Variants in SYN3 observed in about 807,000 individuals in gnomAD.
The protein encoded by SYN3 is synapsin III.
SYN3 carries 35 observed loss-of-function variants against 65.8 expected under a neutral mutation model. The observed-to-expected ratio is 0.53, with a 90% CI of 0.41 to 0.70. The LOEUF (loss-of-function observed/expected upper bound fraction) is 0.70. SYN3 is among the 30% of genes least tolerant of loss of function. The pLI, the probability that SYN3 is intolerant of heterozygous loss-of-function variation, is 0.00. For missense variants in SYN3, 680 were observed against 749.0 expected (o/e 0.91, Z 1.08); for synonymous variants, 270 against 292.9 (o/e 0.92, Z 0.80).
chr22:32,942,090 A>T (rs2050958033), intron 3 of SYN3, among the ~76,000 whole-genome samples: 1 of 152,224 alleles, frequency 6.6e-6, no homozygotes, highest in South Asian at 2.1e-4. Context: ...ACAGCTTTGA[A>T]GAGAGTAGTG....
intron 6 of SYN3, among the ~76,000 whole-genome samples, chr22:32,710,785 G>A (rs2060953587): frequency 6.6e-6 from 1 of 152,062 alleles, no homozygotes; most frequent in Non-Finnish European, 1.5e-5. Flanking sequence ...AAACCAAGCA[G>A]ATGCCAGCAT....
intron 1 of SYN3, among the ~76,000 whole-genome samples, chr22:33,029,012 C>T (rs945061364): frequency 2.0e-5 from 3 of 151,640 alleles, no homozygotes; most frequent in Admixed American, 2.0e-4. Context: ...AGCACTACAG[C>T]CTGGGTGACA....
At chr22:33,025,312 G>A (rs192318537) in intron 1 of SYN3, among the ~76,000 whole-genome samples, 1 of 152,038 alleles carries the variant, frequency 6.6e-6, no homozygotes. Flanking sequence ...AAATTAGCCA[G>A]GCATGGTGGT....
rs562000160 is a variant in SYN3 at position 32,780,999 on chromosome 22, ACCC to A, written c.711+83913_711+83915del. On this transcript the variant is annotated intron_variant, in intron 6 of 13. Transcript: ENST00000358763. ...CTTCCCTCCTTCCTTCCTCTCTCTC[ACCC>A]CCTTCTTTCTTTCTTTCTCTCTCTC... 7.7e-5 allele frequency among the ~76,000 whole-genome samples: 4 copies of A among 52,140 alleles called. No homozygotes were observed. The East Asian group carries it at 3.0e-3, about 39-fold the overall frequency. The allele number at this position is 52,140 out of a possible 152,430, so 34.2% of individuals were successfully genotyped here. A position where few individuals can be genotyped will look rare whatever the true frequency, so the allele number is the denominator to read the frequency against.
chr22:32,864,716 T>C (rs1030222078), intron 6 of SYN3, 199 bp downstream of exon 6: 6 of 510,038 alleles, frequency 1.2e-5, no homozygotes, highest in Admixed American at 3.1e-5. Context: ...ATTTGCCCTA[T>C]TGCCTGAATT....
intron 1 of SYN3, among the ~76,000 whole-genome samples, chr22:33,030,841 T>A (rs2053740478): frequency 3.5e-5 from 5 of 141,810 alleles, no homozygotes; most frequent in South Asian, 2.4e-4. Flanking sequence ...AGAGAGATAG[T>A]GACGGAGATA....
chr22:32,780,970 CTT>C (rs879574280), intron 6 of SYN3, among the ~76,000 whole-genome samples: 16,446 of 102,422 alleles, frequency 0.16, 1,256 homozygotes, highest in East Asian at 0.32. Context: ...TCCTTCCTTC[CTT>C]CCTTCCCTCC....
Position 32,541,580 on chromosome 22 carries a change from T to C in SYN3, c.908A>G (p.Lys303Arg), listed in dbSNP as rs944432651. 1.2e-6 allele frequency: 2 copies of C among 1,613,786 alleles called. No homozygotes were observed. Among genetic ancestry groups the C allele is most frequent in the Non-Finnish European group, 1.7e-6 (2 of 1,179,974 alleles). ...IRIQKIGSNYKAYMRTSISGN... is the reference protein window; with the variant it reads ...IRIQKIGSNYRAYMRTSISGN... ...TGCCCCAGAGACTCACATGTAAGCCTTGTAGTTGGATCCAATTTTCTGGAT... is the reference window on the plus strand; with the variant it reads ...TGCCCCAGAGACTCACATGTAAGCCCTGTAGTTGGATCCAATTTTCTGGAT... The change falls in exon 8 of 14, where the codon AAG becomes AGG. Residue 303 changes from lysine (K) to arginine (R), a missense_variant. Coordinates refer to ENST00000358763, the MANE Select transcript of SYN3 (RefSeq NM_003490.4).
At position 32,518,051 on chromosome 22, in the gene SYN3, C is replaced by A. The variant is rs771047148; in HGVS notation, c.1602G>T (p.Pro534=). Residue 534 remains proline, a synonymous_variant, in exon 13 of 14, where the codon CCG becomes CCT. Transcript: ENST00000358763. Reference sequence around the variant, plus strand: ...ATTCCCAAAGCACTTACTTGAGATGCGGATGGGGTGGTGCTGGCTTCTTGG... The same window carrying A: ...ATTCCCAAAGCACTTACTTGAGATGAGGATGGGGTGGTGCTGGCTTCTTGG... ...EESKKPAPPH[P]HLNKSQSLTN... 1.5e-5 allele frequency: 23 copies of A among 1,517,362 alleles called. No individual in the cohort carries two copies. The highest frequency in any genetic ancestry group is 1.9e-5 in the Non-Finnish European group (21 of 1,134,972). 94.0% of individuals were successfully genotyped at this position (1,517,362 alleles called of 1,614,324 possible).
At chr22:32,763,084 T>C (rs1222264253) in intron 6 of SYN3, among the ~76,000 whole-genome samples, 2 of 152,220 alleles carry the variant, frequency 1.3e-5, no homozygotes. Flanking sequence ...ACTCATTTCA[T>C]CTTTTTTTTA....
intron 1 of SYN3, among the ~76,000 whole-genome samples, chr22:33,052,079 G>C (rs777566134): frequency 1.3e-5 from 2 of 152,100 alleles, no homozygotes; most frequent in Non-Finnish European, 2.9e-5. Context: ...CAGAGAGGGA[G>C]ACCATCCTGC....
chr22:32,706,877 C>G (rs1451787374), intron 6 of SYN3, among the ~76,000 whole-genome samples: 1 of 152,176 alleles, frequency 6.6e-6, no homozygotes, highest in African/African-American at 2.4e-5. Flanking sequence ...CAACCCTACT[C>G]TCTCTTCACC....
chr22:32,810,628 C>CGA (rs1332269271), intron 6 of SYN3, among the ~76,000 whole-genome samples: 91 of 152,246 alleles, frequency 6.0e-4, no homozygotes, highest in African/African-American at 2.1e-3. Context: ...GTAATTATCC[C>CGA]CTCTGCCTCT....
chr22:32,709,626 C>G (rs1301909583), intron 6 of SYN3, among the ~76,000 whole-genome samples: 1 of 152,014 alleles, frequency 6.6e-6, no homozygotes, highest in Non-Finnish European at 1.5e-5. Context: ...CAGAAAAACC[C>G]AAACAGTTTA....
At chr22:32,657,572 C>T (rs1470344197) in intron 6 of SYN3, among the ~76,000 whole-genome samples, 1 of 152,212 alleles carries the variant, frequency 6.6e-6, no homozygotes, top group East Asian at 1.9e-4. Flanking sequence ...CAACCAGGGG[C>T]TACTCGCATT....
intron 1 of SYN3, among the ~76,000 whole-genome samples, chr22:33,053,602 C>T (rs1014513758): frequency 6.6e-6 from 1 of 152,126 alleles, no homozygotes; most frequent in Non-Finnish European, 1.5e-5. Flanking sequence ...TTGGAGAATG[C>T]CAGGAACCTG....
intron 6 of SYN3, among the ~76,000 whole-genome samples, chr22:32,851,303 G>T (rs755143379): frequency 7.2e-5 from 11 of 152,184 alleles, no homozygotes; most frequent in Non-Finnish European, 2.9e-5. Context: ...GAAATAGCTG[G>T]GAGGCAGCAG....
At chr22:32,592,470 G>A (rs1286004246) in intron 7 of SYN3, among the ~76,000 whole-genome samples, 1 of 152,158 alleles carries the variant, frequency 6.6e-6, no homozygotes, top group Non-Finnish European at 1.5e-5. Flanking sequence ...TGTTTCTCAT[G>A]ATGTCCACTA....
In SYN3 at chr22:32,513,764, T is replaced by C. The variant is rs181750678; in HGVS notation, c.1671A>G (p.Pro557=). 6 of 1,614,160 alleles carry C rather than the reference T, an allele frequency of 3.7e-6. No individual in the cohort carries two copies. The highest frequency in any genetic ancestry group is 5.1e-6 in the Non-Finnish European group (6 of 1,180,036). Residue 557 remains proline, a synonymous_variant, in exon 14 of 14, where the codon CCA becomes CCG. Coordinates refer to ENST00000358763, the MANE Select transcript of SYN3 (RefSeq NM_003490.4). ...TTTCAGCCTTGGCCTCGTCTTCACTTGGGGTCCCACGCTGGGAGGTGTCGG... is the reference window on the plus strand; with the variant it reads ...TTTCAGCCTTGGCCTCGTCTTCACTCGGGGTCCCACGCTGGGAGGTGTCGG... The part of the protein sequence containing the change: ...STSDTSQRGT[P]SEDEAKAETI...
Sources: gnomAD v4.1 joint callset for allele counts (sites outside exome capture counted in the v4.1 genomes callset) on GRCh38, gnomAD v4.1.1 for gene constraint, MANE v1.5 for transcripts, NCBI Gene and HGNC (gene_info 2026-07-23, HGNC 2026-07-21) for gene names.